GALNT13: variants seen among roughly 807,000 people sequenced by gnomAD.
GALNT13 encodes polypeptide N-acetylgalactosaminyltransferase 13.
GALNT13 carries 28 observed loss-of-function variants against 64.2 expected under a neutral mutation model. The ratio of observed to expected loss-of-function variants is 0.44; its 90% CI spans 0.32 to 0.60. GALNT13 has a LOEUF of 0.60. Among genes scored for constraint, GALNT13 ranks in the 20% least tolerant of loss-of-function variants. GALNT13 has a pLI of 0.05. For synonymous variants in GALNT13, 214 were observed against 224.6 expected (o/e 0.95, Z 0.42); for missense variants, 577 against 669.8 (o/e 0.86, Z 1.53).
intron 3 of GALNT13, among the ~76,000 whole-genome samples, chr2:154,031,304 A>G (rs975044689): frequency 3.9e-5 from 6 of 152,092 alleles, no homozygotes; most frequent in Non-Finnish European, 8.8e-5. Flanking sequence ...ATATGGTATC[A>G]TAAAATATAT....
At chr2:154,340,849 A>G (rs808948) in intron 9 of GALNT13, among the ~76,000 whole-genome samples, 34,211 of 152,026 alleles carry the variant, frequency 0.23, 4,822 homozygotes, top group Admixed American at 0.33. Flanking sequence ...TATCCTTCCA[A>G]TAATAGTTAA....
At chr2:153,107,282 A>T in the GALNT13 span, among the ~76,000 whole-genome samples, 2 of 152,152 alleles carry the variant, frequency 1.3e-5, no homozygotes, top group South Asian at 4.1e-4. Flanking sequence ...AGATGTAGAG[A>T]TTCAATTGTG....
the GALNT13 span, among the ~76,000 whole-genome samples, chr2:153,843,585 G>A: frequency 3.9e-5 from 6 of 152,082 alleles, no homozygotes; most frequent in African/African-American, 1.2e-4. Flanking sequence ...AAATACAATC[G>A]TGCCTTCCCA....
chr2:154,027,567 T>C (rs1285855811), intron 3 of GALNT13, among the ~76,000 whole-genome samples: 2 of 152,156 alleles, frequency 1.3e-5, no homozygotes, highest in African/African-American at 4.8e-5. Context: ...ACATGTGAGA[T>C]ATATAATCCA....
chr2:154,351,921 A>C (rs1696434203), intron 9 of GALNT13, among the ~76,000 whole-genome samples: 1 of 152,116 alleles, frequency 6.6e-6, no homozygotes, highest in Non-Finnish European at 1.5e-5. Context: ...AAACTTCTCC[A>C]CAGGGTTCAT....
At chr2:153,473,530 C>A in the GALNT13 span, among the ~76,000 whole-genome samples, 1 of 152,160 alleles carries the variant, frequency 6.6e-6, no homozygotes, top group East Asian at 1.9e-4. Context: ...ACTGAGGCAG[C>A]TGCTTTTAAA....
intron 8 of GALNT13, among the ~76,000 whole-genome samples, chr2:154,283,588 A>C (rs1184437123): frequency 6.6e-6 from 1 of 152,124 alleles, no homozygotes; most frequent in Non-Finnish European, 1.5e-5. Flanking sequence ...AAAAAAAAAA[A>C]AAAAAATTAT....
intron 4 of GALNT13, among the ~76,000 whole-genome samples, chr2:154,169,256 A>T (rs180816635): frequency 7.2e-4 from 110 of 152,332 alleles, no homozygotes; most frequent in African/African-American, 2.5e-3. Flanking sequence ...CCATATCCAC[A>T]CTATAGCAAC....
the GALNT13 span, among the ~76,000 whole-genome samples, chr2:153,822,172 C>A: frequency 6.6e-6 from 1 of 152,116 alleles, no homozygotes; most frequent in South Asian, 2.1e-4. Flanking sequence ...AGAGCTGGTA[C>A]CAATCCTACT....
Position 154,301,642 on chromosome 2 carries a change from A to G in GALNT13, c.1156+53A>G, listed in dbSNP as rs949973456. 4.3e-5 allele frequency: 49 copies of G among 1,150,682 alleles called. 1 individual carries two copies. Among genetic ancestry groups the G allele is most frequent in the Non-Finnish European group, 5.8e-5 (45 of 781,384 alleles). The allele number at this position is 1,150,682 out of a possible 1,614,324, so 71.3% of individuals were successfully genotyped here. A position where few individuals can be genotyped will look rare whatever the true frequency, so the allele number is the denominator to read the frequency against. On this transcript the variant is annotated intron_variant, in intron 9 of 12. Transcript: ENST00000392825. ...CTACAGGAGAAAATAAAATTGAAAC[A>G]TACTGAATATGTGTTTCATTATTGC...
the GALNT13 span, among the ~76,000 whole-genome samples, chr2:153,390,739 A>G: frequency 1.3e-5 from 2 of 151,950 alleles, no homozygotes; most frequent in Non-Finnish European, 2.9e-5. Flanking sequence ...TTTTCATCCA[A>G]TCCATACATT....
chr2:153,984,786 T>C (rs35397581), intron 3 of GALNT13, among the ~76,000 whole-genome samples: 1 of 152,068 alleles, frequency 6.6e-6, no homozygotes, highest in East Asian at 1.9e-4. Context: ...TTACTATTTG[T>C]TTTATATTTC....
At chr2:153,455,675 C>T in the GALNT13 span, among the ~76,000 whole-genome samples, 2 of 152,084 alleles carry the variant, frequency 1.3e-5, no homozygotes. Context: ...CGTTATGGTG[C>T]TCGTTTAGCT....
At chr2:153,615,224 A>C in the GALNT13 span, among the ~76,000 whole-genome samples, 6 of 152,042 alleles carry the variant, frequency 3.9e-5, 1 homozygote, top group South Asian at 1.0e-3. Flanking sequence ...TTTATGGCTG[A>C]GTAGTACTCC....
At chr2:154,269,904 G>GTATATATATA (rs1404105316) in intron 8 of GALNT13, among the ~76,000 whole-genome samples, 8 of 13,166 alleles carry the variant, frequency 6.1e-4, no homozygotes, top group East Asian at 6.8e-3. Flanking sequence ...TTATATATAT[G>GTATATATATA]TGTATATATA....
the GALNT13 span, among the ~76,000 whole-genome samples, chr2:153,078,340 A>G: frequency 4.2e-5 from 6 of 141,290 alleles, no homozygotes; most frequent in East Asian, 1.2e-3. Flanking sequence ...TTTTTCTAAG[A>G]TGGAGTCTCA....
chr2:153,726,502 A>C, the GALNT13 span, among the ~76,000 whole-genome samples: 1 of 152,214 alleles, frequency 6.6e-6, no homozygotes, highest in Non-Finnish European at 1.5e-5. Context: ...ACTCCATTCT[A>C]GGTGTTGATA....
the GALNT13 span, among the ~76,000 whole-genome samples, chr2:153,325,817 T>G: frequency 6.6e-6 from 1 of 152,230 alleles, no homozygotes; most frequent in African/African-American, 2.4e-5. Context: ...TTGAGTGAGT[T>G]TCTTAATCCT....
chr2:153,814,318 T>C, the GALNT13 span, among the ~76,000 whole-genome samples: 1 of 152,208 alleles, frequency 6.6e-6, no homozygotes, highest in Middle Eastern at 3.4e-3. Flanking sequence ...CGGGCGCCTG[T>C]AGTCCCAGCT....
Sources: gnomAD v4.1 joint callset for allele counts (sites outside exome capture counted in the v4.1 genomes callset) on GRCh38, gnomAD v4.1.1 for gene constraint, MANE v1.5 for transcripts, NCBI Gene and HGNC (gene_info 2026-07-23, HGNC 2026-07-21) for gene names.